EFCAB8: variants seen among roughly 807,000 people sequenced by gnomAD.
EFCAB8 encodes the protein EF-hand calcium binding domain 8, also known as EF-hand calcium-binding domain-containing protein 8.
EFCAB8 carries 100 observed loss-of-function variants against 116.3 expected under a neutral mutation model. The ratio of observed to expected loss-of-function variants is 0.86; its 90% CI spans 0.73 to 1.02. The LOEUF is 1.02. EFCAB8 is among the 50% of genes least tolerant of loss of function. EFCAB8 has a pLI of 0.00. For synonymous variants in EFCAB8, 558 were observed against 567.9 expected (o/e 0.98, Z 0.25); for missense variants, 1,320 against 1,416.9 (o/e 0.93, Z 1.10).
chr20:32,921,700 C>CTT (rs11472143), intron 20 of EFCAB8, among the ~76,000 whole-genome samples: 96,928 of 146,874 alleles, frequency 0.66, 32,452 homozygotes, highest in Middle Eastern at 0.73. Context: ...TAGCCTTGTA[C>CTT]TTTTTTTTTT....
intron 11 of EFCAB8, among the ~76,000 whole-genome samples, chr20:32,904,281 C>G (rs1463626433): frequency 8.7e-5 from 13 of 150,264 alleles, no homozygotes; most frequent in Admixed American, 4.0e-4. Flanking sequence ...GCGTGAGCCA[C>G]TGTGTCTGGC....
chr20:32,889,169 T>A, intron 6 of EFCAB8, 132 bp from the exon 7 acceptor site: 1 of 685,976 alleles, frequency 1.5e-6, no homozygotes, highest in South Asian at 1.9e-5. Flanking sequence ...ATCACTAGAC[T>A]TAGTGGTAGT....
At position 32,959,840 on chromosome 20, in the gene EFCAB8, C is replaced by T. The variant is rs556871159; in HGVS notation, c.3152C>T (p.Ala1051Val). Residue 1051 changes from alanine to valine, a missense_variant, in exon 25 of 27, where the codon GCT becomes GTT. Physicochemically the swap from Ala to Val is moderately conservative, Grantham distance 64. Coordinates refer to ENST00000400522, the MANE Select transcript of EFCAB8 (RefSeq NM_001143967.2). Reference sequence around the variant, plus strand: ...CGGCGAGAGCAGGCGGCGCTGATGGCTCTCCTGCATGGGAAGGCAGATAAG... The same window carrying T: ...CGGCGAGAGCAGGCGGCGCTGATGGTTCTCCTGCATGGGAAGGCAGATAAG... Reference protein sequence around the residue: ...YQRREQAALMALLHGKADKEA... With the variant: ...YQRREQAALMVLLHGKADKEA... 135 of 1,546,518 alleles carry T rather than the reference C, an allele frequency of 8.7e-5. 2 individuals are homozygous for T. In the South Asian group the frequency reaches 1.4e-3, roughly 16 times the overall value.
rs201493711 is a variant in EFCAB8 at position 32,948,524 on chromosome 20, AAAAGAAAGAAAGAAAGAAAG to A, written c.2959+4760_2959+4779del. Among the ~76,000 whole-genome samples, 699 of 117,572 alleles carry A rather than the reference AAAAGAAAGAAAGAAAGAAAG, an allele frequency of 5.9e-3. 3 individuals carry two copies. Among genetic ancestry groups the A allele is most frequent in the African/African-American group, 0.015 (446 of 30,194 alleles). 77.1% of individuals were successfully genotyped at this position (117,572 alleles called of 152,430 possible). A position where few individuals can be genotyped will look rare whatever the true frequency, so the allele number is the denominator to read the frequency against. ...CAAAGACGTTATAAGAAGAAAGTGAAAAAGAAAGAAAGAAAGAAAGAAAGAAAGAAAGAAAGAAAGAAAGA... is the reference window on the plus strand; with the variant it reads ...CAAAGACGTTATAAGAAGAAAGTGAAAAAGAAAGAAAGAAAGAAAGAAAGA... On this transcript the variant is annotated intron_variant, in intron 23 of 26. Transcript: ENST00000400522.
chr20:32,883,559 A>C (rs1375452170), intron 5 of EFCAB8, among the ~76,000 whole-genome samples: 2 of 152,202 alleles, frequency 1.3e-5, no homozygotes, highest in African/African-American at 4.8e-5. Flanking sequence ...GACATTCCCT[A>C]ATTAGATATA....
rs1157728670 is a variant in EFCAB8 at position 32,896,403 on chromosome 20, A to G, written c.884-51A>G. 3 of 708,890 alleles carry G rather than the reference A, an allele frequency of 4.2e-6. No individual in the cohort carries two copies. In the East Asian group the frequency reaches 8.1e-5, roughly 19 times the overall value. The allele number at this position is 708,890 out of a possible 1,614,324, so 43.9% of individuals were successfully genotyped here. A position where few individuals can be genotyped will look rare whatever the true frequency, so the allele number is the denominator to read the frequency against. The stretch of plus-strand genomic sequence containing the variant: ...GACGTCTTCTGAGGCTTTGCTTGCC[A>G]AGCGAAGGGGGAAAGCTGCTGATGT... On this transcript the variant is annotated intron_variant, in intron 9 of 26. Coordinates refer to ENST00000400522, the MANE Select transcript of EFCAB8 (RefSeq NM_001143967.2).
At position 32,920,335 on chromosome 20, in the gene EFCAB8, C is replaced by T. The variant is rs190022806; in HGVS notation, c.2412+120C>T. 4,560 of 1,359,092 alleles carry T rather than the reference C, an allele frequency of 3.4e-3. 10 individuals are homozygous for T. The highest frequency in any genetic ancestry group is 4.0e-3 in the Non-Finnish European group (4,109 of 1,015,592). 84.2% of individuals were successfully genotyped at this position (1,359,092 alleles called of 1,614,324 possible). A position where few individuals can be genotyped will look rare whatever the true frequency, so the allele number is the denominator to read the frequency against. On this transcript the variant is annotated intron_variant, in intron 20 of 26. Coordinates refer to ENST00000400522, the MANE Select transcript of EFCAB8 (RefSeq NM_001143967.2). ...GCCCGGCCTGATTCTCCCCAGTGCC[C>T]GGAAGGCATCTTGGAGAGGATGGAG...
intron 1 of EFCAB8, among the ~76,000 whole-genome samples, chr20:32,863,513 T>C (rs1388578655): frequency 6.6e-6 from 1 of 152,144 alleles, no homozygotes; most frequent in Non-Finnish European, 1.5e-5. Flanking sequence ...GTAAAGAAAC[T>C]TGTGAAACCC....
chr20:32,865,006 G>A (rs890723662), intron 2 of EFCAB8, among the ~76,000 whole-genome samples: 2 of 152,198 alleles, frequency 1.3e-5, no homozygotes, highest in Non-Finnish European at 2.9e-5. Context: ...TCAGGGAAGT[G>A]ATGTGATATG....
Position 32,923,628 on chromosome 20 carries a change from G to A in EFCAB8, c.2412+3413G>A, listed in dbSNP as rs188544850. ...TTGTAGCCTTCTAGAATTTTTTTGTGCATATACAAGTACATACATGTATGA... is the reference window on the plus strand; with the variant it reads ...TTGTAGCCTTCTAGAATTTTTTTGTACATATACAAGTACATACATGTATGA... On this transcript the variant is annotated intron_variant, in intron 20 of 26. Coordinates refer to ENST00000400522, the MANE Select transcript of EFCAB8 (RefSeq NM_001143967.2). 1.7e-4 allele frequency among the ~76,000 whole-genome samples: 26 copies of A among 152,218 alleles called. No individual in the cohort carries two copies. The East Asian group carries it at 4.4e-3, about 26-fold the overall frequency.
chr20:32,951,469 C>T (rs1471584401), intron 23 of EFCAB8, among the ~76,000 whole-genome samples: 1 of 152,138 alleles, frequency 6.6e-6, no homozygotes, highest in African/African-American at 2.4e-5. Context: ...ACCATTTACA[C>T]CTGCATCTAT....
chr20:32,906,869 C>T lies in EFCAB8; in HGVS notation c.1183C>T (p.Arg395Cys), dbSNP rs1026112067. Reference protein sequence around the residue: ...LVTGGYDAFIRLWNPFVSKRP... With the variant: ...LVTGGYDAFICLWNPFVSKRP... ...GACTGGTGGCTACGATGCCTTCATC[C>T]GCCTGTGGAACCCCTTTGTCTCAAA... The change falls in exon 13 of 27, where the codon CGC (arginine) becomes TGC (cysteine). Residue 395 changes from arginine (R) to cysteine (C), a missense_variant. Arg to Cys is a radical substitution (Grantham distance 180, BLOSUM62 -3). Transcript: ENST00000400522. 1.4e-5 allele frequency: 22 copies of T among 1,536,276 alleles called. No homozygotes were observed. Among genetic ancestry groups the T allele is most frequent in the East Asian group, 7.3e-5 (3 of 40,836 alleles).
intron 10 of EFCAB8, 152 bp from the exon 11 acceptor site, chr20:32,898,341 G>A (rs1600398272): frequency 5.2e-6 from 3 of 575,270 alleles, no homozygotes; most frequent in African/African-American, 1.9e-5. Flanking sequence ...CTAGGATTGC[G>A]GGGCCACATC....
chr20:32,937,743 C>T lies in EFCAB8; in HGVS notation c.2791-5893C>T, dbSNP rs1287827743. Among the ~76,000 whole-genome samples, 6 of 132,052 alleles carry T rather than the reference C, an allele frequency of 4.5e-5. 1 individual carries two copies. The highest frequency in any genetic ancestry group is 1.2e-4 in the African/African-American group (4 of 34,174). 86.6% of individuals were successfully genotyped at this position (132,052 alleles called of 152,430 possible). A position where few individuals can be genotyped will look rare whatever the true frequency, so the allele number is the denominator to read the frequency against. ...AAGTGATTCTCCTGCCTCAGCCTCC[C>T]GAGTAGCTGGGATTACAGGCATGCA... On this transcript the variant is annotated intron_variant, in intron 22 of 26. Transcript: ENST00000400522.
chr20:32,934,662 G>A (rs1240248008), intron 22 of EFCAB8, among the ~76,000 whole-genome samples: 2 of 152,118 alleles, frequency 1.3e-5, no homozygotes, highest in South Asian at 2.1e-4. Context: ...AATCGTGGGG[G>A]TGGGTTTTTC....
intron 20 of EFCAB8, among the ~76,000 whole-genome samples, chr20:32,924,093 G>A (rs749584281): frequency 6.6e-6 from 1 of 152,112 alleles, no homozygotes; most frequent in Non-Finnish European, 1.5e-5. Flanking sequence ...CAGCTCTCTT[G>A]TCCAGGCTGG....
chr20:32,919,497 T>C (rs1020713794), intron 19 of EFCAB8, among the ~76,000 whole-genome samples: 3 of 152,098 alleles, frequency 2.0e-5, no homozygotes, highest in African/African-American at 7.2e-5. Context: ...TCTATCCTTA[T>C]TTTTATTTTT....
At chr20:32,871,388 C>G (rs1404221840) in intron 3 of EFCAB8, among the ~76,000 whole-genome samples, 1 of 152,014 alleles carries the variant, frequency 6.6e-6, no homozygotes, top group African/African-American at 2.4e-5. Context: ...ATCCTCCTGA[C>G]TCAGCCTCCA....
chr20:32,906,172 A>G (rs1986664838), intron 11 of EFCAB8, among the ~76,000 whole-genome samples: 1 of 152,096 alleles, frequency 6.6e-6, no homozygotes, highest in African/African-American at 2.4e-5. Context: ...CTTGATTTGT[A>G]TCATGGATGG....
Sources: gnomAD v4.1 joint callset for allele counts (sites outside exome capture counted in the v4.1 genomes callset) on GRCh38, gnomAD v4.1.1 for gene constraint, MANE v1.5 for transcripts, NCBI Gene and HGNC (gene_info 2026-07-23, HGNC 2026-07-21) for gene names.